Variants in BTNL8 observed in about 807,000 individuals in gnomAD.
BTNL8 encodes butyrophilin like 8.
A neutral mutation model predicts 36.1 loss-of-function variants in BTNL8; 22 were observed. That is an observed-to-expected ratio of 0.61 (90% CI 0.44 to 0.87). The LOEUF is 0.87. Among genes scored for constraint, BTNL8 ranks in the 40% least tolerant of loss-of-function variants. The pLI, the probability that BTNL8 is intolerant of heterozygous loss-of-function variation, is 0.00. For missense variants in BTNL8, 526 were observed against 616.9 expected, an observed-to-expected ratio of 0.85 and a Z score of 1.56; for synonymous variants, 203 against 235.6, an observed-to-expected ratio of 0.86 and a Z score of 1.27.
chr5:180,939,891 T>C (rs1013571185), intron 3 of BTNL8, among the ~76,000 whole-genome samples: 1 of 152,118 alleles, frequency 6.6e-6, no homozygotes, highest in Non-Finnish European at 1.5e-5. Context: ...ATATCAAATA[T>C]ATTTTCAGGG....
At chr5:180,907,000 C>G (rs1196942192) in intron 1 of BTNL8, among the ~76,000 whole-genome samples, 2 of 93,598 alleles carry the variant, frequency 2.1e-5, no homozygotes, top group Non-Finnish European at 2.0e-5. Flanking sequence ...AATTATGTGT[C>G]TTGGAGTTGC....
chr5:180,948,513 C>A, intron 5 of BTNL8, 138 bp downstream of exon 5: 1 of 1,606,766 alleles, frequency 6.2e-7, no homozygotes, highest in Non-Finnish European at 8.5e-7. Flanking sequence ...CAGCTGCTCG[C>A]TCTCTCCATC....
At position 180,908,697 on chromosome 5, in the gene BTNL8, G is replaced by C; in HGVS notation, c.161G>C (p.Arg54Pro). 1.2e-6 allele frequency: 2 copies of C among 1,614,202 alleles called. No individual in the cohort carries two copies. The highest frequency in any genetic ancestry group is 1.7e-6 in the Non-Finnish European group (2 of 1,180,040). ...ACCAATGCAGAGGCCATGGAAGTGC[G>C]GTTCTTCAGGGGCCAGTTCTCTAGC... Reference protein sequence around the residue: ...PKTNAEAMEVRFFRGQFSSVV... With the variant: ...PKTNAEAMEVPFFRGQFSSVV... The change falls in exon 2 of 8, where the codon CGG (arginine) becomes CCG (proline). Residue 54 changes from arginine to proline, a missense_variant. This residue lies in a region of BTNL8 where 350 missense variants were observed against 324.6 expected (regional missense o/e 1.08). Coordinates refer to ENST00000340184, the MANE Select transcript of BTNL8 (RefSeq NM_001040462.3).
In BTNL8 at chr5:180,907,595, C is replaced by T. The variant is rs375257817; in HGVS notation, c.50-991C>T. Among the ~76,000 whole-genome samples, 55 of 147,254 alleles carry T rather than the reference C, an allele frequency of 3.7e-4. No individual in the cohort carries two copies. In the East Asian group the frequency reaches 4.5e-3, roughly 12 times the overall value. Reference sequence around the variant, plus strand: ...CTGCGTTCCTTTGGAGGAGGAGAGGCGCTCTGCTTTTTAGAGTTTCCAGTT... The same window carrying T: ...CTGCGTTCCTTTGGAGGAGGAGAGGTGCTCTGCTTTTTAGAGTTTCCAGTT... On this transcript the variant is annotated intron_variant, in intron 1 of 7. Coordinates refer to ENST00000340184, the MANE Select transcript of BTNL8 (RefSeq NM_001040462.3).
intron 3 of BTNL8, among the ~76,000 whole-genome samples, chr5:180,940,863 C>T (rs958736103): frequency 4.6e-5 from 7 of 151,944 alleles, no homozygotes; most frequent in Non-Finnish European, 5.9e-5. Flanking sequence ...GTCAGGAGCT[C>T]GAAACCAGCC....
chr5:180,933,877 C>T (rs1392932167), intron 3 of BTNL8, among the ~76,000 whole-genome samples: 1 of 152,018 alleles, frequency 6.6e-6, no homozygotes, highest in Non-Finnish European at 1.5e-5. Context: ...AGAAAAACTG[C>T]CAGCATTTCT....
intron 1 of BTNL8, among the ~76,000 whole-genome samples, chr5:180,905,182 T>C (rs2113767068): frequency 6.6e-6 from 1 of 151,304 alleles, no homozygotes; most frequent in South Asian, 2.1e-4. Flanking sequence ...GGTAAGCTAT[T>C]GATTATTGCC....
intron 1 of BTNL8, among the ~76,000 whole-genome samples, chr5:180,908,198 G>T (rs886083434): frequency 6.6e-6 from 1 of 152,216 alleles, no homozygotes; most frequent in East Asian, 1.9e-4. Context: ...GCCAGGTGTG[G>T]GATATAATCT....
chr5:180,930,577 A>C (rs1758325991), intron 3 of BTNL8, among the ~76,000 whole-genome samples: 1 of 152,226 alleles, frequency 6.6e-6, no homozygotes, highest in Non-Finnish European at 1.5e-5. Context: ...TCTCAGCCCC[A>C]AATCTCCTTA....
chr5:180,941,116 GGA>G (rs1491462442), intron 3 of BTNL8, among the ~76,000 whole-genome samples: 253 of 85,702 alleles, frequency 3.0e-3, no homozygotes, highest in African/African-American at 8.0e-3. Flanking sequence ...AAGGGAGGAA[GGA>G]AGGAAGGAAG....
At chr5:180,945,315 T>C (rs1759182621) in intron 3 of BTNL8, among the ~76,000 whole-genome samples, 1 of 152,066 alleles carries the variant, frequency 6.6e-6, no homozygotes, top group Admixed American at 6.6e-5. Flanking sequence ...AAAAACGAAC[T>C]CAGATTAAAA....
intron 3 of BTNL8, 78 bp from the exon 4 acceptor site, chr5:180,947,434 A>G (rs1330365777): frequency 3.3e-6 from 5 of 1,535,434 alleles, no homozygotes; most frequent in Non-Finnish European, 4.5e-6. Context: ...TGTGGGGAAC[A>G]AGGTGACTCC....
At chr5:180,907,228 A>C (rs1368960597) in intron 1 of BTNL8, among the ~76,000 whole-genome samples, 1 of 121,826 alleles carries the variant, frequency 8.2e-6, no homozygotes, top group Non-Finnish European at 1.6e-5. Context: ...ATTTCTTTTT[A>C]TTCTTTTTTT....
At chr5:180,920,004 C>T (rs7703520) in intron 3 of BTNL8, among the ~76,000 whole-genome samples, 68,282 of 152,000 alleles carry the variant, frequency 0.45, 16,427 homozygotes, top group African/African-American at 0.63. Flanking sequence ...AAAGGCATTT[C>T]TCACAGAATT....
In BTNL8 at chr5:180,911,597, CCAGGGTA is replaced by C. The variant is rs1298548323; in HGVS notation, c.660_666del (p.Val221Ter). The C allele has an allele frequency of 6.2e-7, 1 of 1,612,804 alleles. No homozygotes were observed. The highest frequency in any genetic ancestry group is 1.7e-5 in the Admixed American group (1 of 59,978). On this transcript the variant is annotated frameshift_variant, in exon 3 of 8. Transcript: ENST00000340184. LOFTEE classifies it high-confidence loss of function. The stretch of plus-strand genomic sequence containing the variant: ...GCTCATCTGAGCCGAGAGGTGGAAT[CCAGGGTA>C]CAGATAGGAGGTGAGTAGGGAGGGG...
Position 180,949,574 on chromosome 5 carries a change from A to G in BTNL8, c.862+309A>G, listed in dbSNP as rs1582071319. 7 of 530,232 alleles carry G rather than the reference A, an allele frequency of 1.3e-5. No individual in the cohort carries two copies. The East Asian group carries it at 2.4e-4, about 19-fold the overall frequency. 32.8% of individuals were successfully genotyped at this position (530,232 alleles called of 1,614,324 possible). Reference sequence around the variant, plus strand: ...GAGCTGAGGGGAAGGAAGTAAAGTCAGGCAGAAAATTCTGAGTGGGAGGAA... The same window carrying G: ...GAGCTGAGGGGAAGGAAGTAAAGTCGGGCAGAAAATTCTGAGTGGGAGGAA... On this transcript the variant is annotated intron_variant, in intron 7 of 7. Transcript: ENST00000340184.
chr5:180,915,279 T>A (rs907512689), intron 3 of BTNL8, among the ~76,000 whole-genome samples: 1 of 152,224 alleles, frequency 6.6e-6, no homozygotes, highest in Non-Finnish European at 1.5e-5. Flanking sequence ...GTGGGGCACG[T>A]GCTTCCCTGC....
chr5:180,919,736 G>A (rs1201028920), intron 3 of BTNL8, among the ~76,000 whole-genome samples: 1 of 152,080 alleles, frequency 6.6e-6, no homozygotes, highest in African/African-American at 2.4e-5. Context: ...AATTAGTAGT[G>A]TTTCTATACA....
At chr5:180,944,772 A>C (rs542740859) in intron 3 of BTNL8, among the ~76,000 whole-genome samples, 1 of 152,342 alleles carries the variant, frequency 6.6e-6, no homozygotes, top group Non-Finnish European at 1.5e-5. Flanking sequence ...GTACCCTGTA[A>C]ATATGAACAA....
Sources: allele counts gnomAD v4.1 joint callset (sites outside exome capture counted in the v4.1 genomes callset), GRCh38; gene constraint gnomAD v4.1.1; regional missense constraint gnomAD v4.1.1; transcripts MANE v1.5; gene names NCBI Gene and HGNC (gene_info 2026-07-23, HGNC 2026-07-21).